Variants in MCPH1 observed in about 807,000 individuals in gnomAD.
MCPH1 encodes the protein microcephalin.
MCPH1 carries 104 observed loss-of-function variants against 84.5 expected under a neutral mutation model. The observed-to-expected ratio is 1.23, with a 90% CI of 1.05 to 1.45. The LOEUF (loss-of-function observed/expected upper bound fraction) is 1.45. Among genes scored for constraint, MCPH1 ranks in the 40% most tolerant of loss-of-function variants. MCPH1 has a pLI of 0.00. For missense variants in MCPH1, 1,498 were observed against 1,005.7 expected (o/e 1.49, Z -6.62); for synonymous variants, 514 against 366.8 (o/e 1.40, Z -4.58).
intron 13 of MCPH1, among the ~76,000 whole-genome samples, chr8:6,633,489 A>T (rs970837230): frequency 6.6e-6 from 1 of 152,220 alleles, no homozygotes; most frequent in East Asian, 1.9e-4. Context: ...AAATGCTCCG[A>T]TATCTTAAAC....
rs1798138401 is a variant in MCPH1, at chr8:6,644,868, T to C, written c.*1819T>C. On this transcript the variant is annotated 3_prime_UTR_variant, in exon 14 of 14. Coordinates refer to ENST00000344683, the MANE Select transcript of MCPH1 (RefSeq NM_024596.5). ...GTGCATTGTATAGGAATTGGCATTCTATAGAAAACCACAGAAACTGGAAAT... is the reference window on the plus strand; with the variant it reads ...GTGCATTGTATAGGAATTGGCATTCCATAGAAAACCACAGAAACTGGAAAT... The C allele has an allele frequency of 6.6e-6, 1 of 152,230 alleles. No homozygotes were observed. The highest frequency in any genetic ancestry group is 1.5e-5 in the Non-Finnish European group (1 of 68,046). The allele number at this position is 152,230 out of a possible 1,614,324, so 9.4% of individuals were successfully genotyped here. A position where few individuals can be genotyped will look rare whatever the true frequency, so the allele number is the denominator to read the frequency against.
chr8:6,636,003 T>C (rs1002855758), intron 13 of MCPH1, among the ~76,000 whole-genome samples: 26 of 152,130 alleles, frequency 1.7e-4, no homozygotes, highest in Non-Finnish European at 3.7e-4. Context: ...TACTTATGTG[T>C]GAATAAGTGT....
chr8:6,581,685 T>C (rs1200782171), intron 12 of MCPH1, among the ~76,000 whole-genome samples: 1 of 152,240 alleles, frequency 6.6e-6, no homozygotes, highest in African/African-American at 2.4e-5. Flanking sequence ...GTTTAAATTA[T>C]ATTGAAACTT....
intron 12 of MCPH1, among the ~76,000 whole-genome samples, chr8:6,576,338 C>T (rs1827094017): frequency 1.3e-5 from 2 of 152,128 alleles, no homozygotes; most frequent in South Asian, 4.1e-4. Flanking sequence ...GACCTCAGGG[C>T]CTCCAGCACT....
At chr8:6,618,914 C>G (rs897655929) in intron 12 of MCPH1, 1 of 152,168 alleles carries the variant, frequency 6.6e-6, no homozygotes, top group African/African-American at 2.4e-5. Context: ...GTCCCGTGGC[C>G]TCTGGGGGCT....
chr8:6,487,123 A>G (rs1418837251), intron 11 of MCPH1, among the ~76,000 whole-genome samples: 1 of 152,244 alleles, frequency 6.6e-6, no homozygotes, highest in African/African-American at 2.4e-5. Flanking sequence ...AGGATCTGAT[A>G]ATAGAGATTT....
intron 11 of MCPH1, among the ~76,000 whole-genome samples, chr8:6,484,032 A>G (rs758884800): frequency 1.4e-4 from 22 of 152,226 alleles, no homozygotes; most frequent in Non-Finnish European, 1.5e-4. Flanking sequence ...AAGAGTTCTT[A>G]GATACACCAA....
chr8:6,422,560 C>T (rs1284412372), intron 3 of MCPH1, among the ~76,000 whole-genome samples: 1 of 152,202 alleles, frequency 6.6e-6, no homozygotes, highest in Non-Finnish European at 1.5e-5. Flanking sequence ...GCTTTGCTGG[C>T]CCAGCCCCTG....
chr8:6,615,675 CTA>C (rs1485809825), intron 12 of MCPH1: 1 of 152,124 alleles, frequency 6.6e-6, no homozygotes, highest in Non-Finnish European at 1.5e-5. Context: ...GTATACAATT[CTA>C]TGAGTTTAAA....
chr8:6,627,221 G>A (rs1214872921), intron 13 of MCPH1: 3 of 985,278 alleles, frequency 3.0e-6, no homozygotes, highest in Non-Finnish European at 3.6e-6. Context: ...TGATTCAGTA[G>A]ATATGTGAGG....
At chr8:6,490,069 G>C (rs1311281395) in intron 11 of MCPH1, among the ~76,000 whole-genome samples, 1 of 151,996 alleles carries the variant, frequency 6.6e-6, no homozygotes, top group African/African-American at 2.4e-5. Flanking sequence ...GTAGATCTCA[G>C]TTCCCCAACA....
intron 12 of MCPH1, chr8:6,500,859 C>G (rs1812037916): frequency 6.6e-6 from 1 of 152,102 alleles, no homozygotes; most frequent in Admixed American, 6.6e-5. Context: ...GAGATTTGTC[C>G]TTGAATTTTT....
chr8:6,572,994 G>A (rs1826787890), intron 12 of MCPH1, among the ~76,000 whole-genome samples: 1 of 152,148 alleles, frequency 6.6e-6, no homozygotes, highest in East Asian at 1.9e-4. Context: ...CAAAACTGAG[G>A]GAAATTATAT....
At chr8:6,568,470 G>A (rs1826397534) in intron 12 of MCPH1, among the ~76,000 whole-genome samples, 1 of 152,156 alleles carries the variant, frequency 6.6e-6, no homozygotes, top group East Asian at 1.9e-4. Context: ...TTGCTTGTGG[G>A]CCCCGTGACC....
intron 9 of MCPH1, among the ~76,000 whole-genome samples, chr8:6,456,601 A>T (rs925453248): frequency 6.6e-5 from 10 of 151,096 alleles, no homozygotes; most frequent in African/African-American, 1.9e-4. Context: ...GTGTCTGCCC[A>T]GGGAAGCCGT....
At chr8:6,577,931 G>C (rs1041869562) in intron 12 of MCPH1, among the ~76,000 whole-genome samples, 1 of 152,190 alleles carries the variant, frequency 6.6e-6, no homozygotes, top group African/African-American at 2.4e-5. Context: ...AAACCCTTCC[G>C]AGATGGAGTG....
intron 12 of MCPH1, among the ~76,000 whole-genome samples, chr8:6,530,081 G>A (rs2515471): frequency 0.19 from 28,294 of 152,006 alleles, 3,312 homozygotes; most frequent in African/African-American, 0.33. Context: ...AAGAAATGTT[G>A]TAGTTTAAAA....
chr8:6,414,912 C>T (rs758262603), intron 3 of MCPH1, 29 bp downstream of exon 3: 86 of 1,609,184 alleles, frequency 5.3e-5, no homozygotes, highest in Non-Finnish European at 7.1e-5. Flanking sequence ...ACTTTTTTTC[C>T]TTAAGTATCT....
intron 13 of MCPH1, among the ~76,000 whole-genome samples, chr8:6,632,773 C>T (rs977488420): frequency 6.6e-6 from 1 of 151,930 alleles, no homozygotes; most frequent in Admixed American, 6.6e-5. Context: ...TGCGCCATTG[C>T]ACTCCAGCCT....
Sources: allele counts gnomAD v4.1 joint callset (sites outside exome capture counted in the v4.1 genomes callset), GRCh38; gene constraint gnomAD v4.1.1; transcripts MANE v1.5; gene names NCBI Gene and HGNC (gene_info 2026-07-23, HGNC 2026-07-21).